The following PLEKHA8 variants were observed in gnomAD, a reference collection of about 807,000 sequenced individuals.
The protein encoded by PLEKHA8 is pleckstrin homology domain-containing family A member 8.
PLEKHA8 carries 36 observed loss-of-function variants against 68.2 expected under a neutral mutation model. The ratio of observed to expected loss-of-function variants is 0.53; its 90% CI spans 0.40 to 0.70. The LOEUF is 0.70. Among genes scored for constraint, PLEKHA8 ranks in the 30% least tolerant of loss-of-function variants. PLEKHA8 has a pLI of 0.00. For synonymous variants in PLEKHA8, 211 were observed against 216.1 expected, an observed-to-expected ratio of 0.98 and a Z score of 0.20; for missense variants, 505 against 615.4, an observed-to-expected ratio of 0.82 and a Z score of 1.90.
In PLEKHA8 at chr7:30,080,077, T is replaced by C; in HGVS notation, c.*1290T>C. On this transcript the variant is annotated 3_prime_UTR_variant, in exon 14 of 14. Transcript: ENST00000449726. ...CTCTGAATCTGCTTACCAATCAATC[T>C]CGGTTTAATCACCAAAAGTGCAGAG... 1.0e-6 allele frequency: 1 copy of C among 985,366 alleles called. No individual in the cohort carries two copies. The highest frequency in any genetic ancestry group is 1.2e-6 in the Non-Finnish European group (1 of 829,918). 61.0% of individuals were successfully genotyped at this position (985,366 alleles called of 1,614,324 possible).
chr7:30,049,341 C>T lies in PLEKHA8; in HGVS notation c.556C>T (p.Pro186Ser). Residue 186 changes from proline (P) to serine (S), a missense_variant, in exon 5 of 14, where the codon CCA becomes TCA. Physicochemically the swap from Pro to Ser is moderately conservative, Grantham distance 74. Coordinates refer to ENST00000449726, the MANE Select transcript of PLEKHA8 (RefSeq NM_001197026.2). ...AFTSELLYRT[P>S]PGSPQLAMLK... ...CACCTCTGAGCTGCTCTACCGCACTCCACCAGGATCACCTCAGCTGGCCAT... is the reference window on the plus strand; with the variant it reads ...CACCTCTGAGCTGCTCTACCGCACTTCACCAGGATCACCTCAGCTGGCCAT... 6.2e-7 allele frequency: 1 copy of T among 1,614,162 alleles called. No individual in the cohort carries two copies. The highest frequency in any genetic ancestry group is 8.5e-7 in the Non-Finnish European group (1 of 1,180,006).
chr7:30,059,497 T>C (rs1793262635), intron 9 of PLEKHA8, among the ~76,000 whole-genome samples: 1 of 152,156 alleles, frequency 6.6e-6, no homozygotes, highest in Admixed American at 6.5e-5. Flanking sequence ...GTTTCTATCA[T>C]CTTGCTACTT....
chr7:30,096,265 G>T (rs1352510550), intron 13 of PLEKHA8, among the ~76,000 whole-genome samples: 3 of 152,102 alleles, frequency 2.0e-5, no homozygotes, highest in Non-Finnish European at 4.4e-5. Flanking sequence ...GGATTCCTAG[G>T]TATTTTATTC....
chr7:30,083,237 A>T lies in PLEKHA8; in HGVS notation c.*4450A>T, dbSNP rs1164939640. The T allele has an allele frequency of 2.0e-6, 2 of 982,020 alleles. No individual in the cohort carries two copies. Among genetic ancestry groups the T allele is most frequent in the Non-Finnish European group, 2.4e-6 (2 of 826,966 alleles). The allele number at this position is 982,020 out of a possible 1,614,324, so 60.8% of individuals were successfully genotyped here. A position where few individuals can be genotyped will look rare whatever the true frequency, so the allele number is the denominator to read the frequency against. On this transcript the variant is annotated 3_prime_UTR_variant, in exon 14 of 14. Coordinates refer to ENST00000449726, the MANE Select transcript of PLEKHA8 (RefSeq NM_001197026.2). ...AAATTTGTATTCTTATGGATTGTAT[A>T]TAGAATGCTTTCGTTAGAAGTACAT...
At chr7:30,056,504 G>A (rs527739416) in intron 9 of PLEKHA8, among the ~76,000 whole-genome samples, 8 of 147,998 alleles carry the variant, frequency 5.4e-5, no homozygotes, top group South Asian at 2.1e-4. Flanking sequence ...TGAGGTGGGC[G>A]GATCACCTGA....
At chr7:30,044,970 A>G in intron 1 of PLEKHA8, 115 bp from the exon 2 acceptor site, 1 of 582,974 alleles carries the variant, frequency 1.7e-6, no homozygotes, top group Non-Finnish European at 2.9e-6. Context: ...ATCCCTGGCA[A>G]TGTAAAGCTC....
intron 13 of PLEKHA8, 103 bp from the exon 14 acceptor site, chr7:30,078,487 G>A: frequency 8.1e-7 from 1 of 1,233,124 alleles, no homozygotes; most frequent in African/African-American, 1.5e-5. Flanking sequence ...CTTCTCAGCT[G>A]TTTGTATGTG....
intron 13 of PLEKHA8, among the ~76,000 whole-genome samples, chr7:30,127,393 T>C (rs1184136245): frequency 6.6e-6 from 1 of 152,204 alleles, no homozygotes; most frequent in Non-Finnish European, 1.5e-5. Flanking sequence ...ATGGGTGATA[T>C]TTTTTGGTAA....
At chr7:30,035,881 C>T (rs1234854068) in intron 1 of PLEKHA8, among the ~76,000 whole-genome samples, 3 of 151,956 alleles carry the variant, frequency 2.0e-5, no homozygotes, top group Admixed American at 2.0e-4. Flanking sequence ...CTCCTGACCT[C>T]GTGATCCACC....
At chr7:30,029,390 A>G (rs1293220726) in intron 1 of PLEKHA8, among the ~76,000 whole-genome samples, 3 of 152,168 alleles carry the variant, frequency 2.0e-5, no homozygotes, top group Admixed American at 2.0e-4. Context: ...CTTTTGTTTT[A>G]CAGACTCAGA....
At chr7:30,050,607 T>C in intron 6 of PLEKHA8, 133 bp downstream of exon 6, 1 of 1,217,504 alleles carries the variant, frequency 8.2e-7, no homozygotes, top group Non-Finnish European at 1.1e-6. Flanking sequence ...GTAAACAATA[T>C]CTGACTTTCC....
intron 8 of PLEKHA8, 89 bp from the exon 9 acceptor site, chr7:30,055,168 G>A: frequency 8.6e-7 from 1 of 1,158,594 alleles, no homozygotes; most frequent in Admixed American, 1.7e-5. Context: ...CCTACAGAGA[G>A]GCAGCTGTGT....
chr7:30,083,216 T>G lies in PLEKHA8; in HGVS notation c.*4429T>G. On this transcript the variant is annotated 3_prime_UTR_variant, in exon 14 of 14. Coordinates refer to ENST00000449726, the MANE Select transcript of PLEKHA8 (RefSeq NM_001197026.2). ...ACAAACTTCATTATGTATGGTAAAT[T>G]TGTATTCTTATGGATTGTATATAGA... 2 of 983,622 alleles carry G rather than the reference T, an allele frequency of 2.0e-6. No individual in the cohort carries two copies. Among genetic ancestry groups the G allele is most frequent in the African/African-American group, 1.7e-5 (1 of 57,316 alleles). The allele number at this position is 983,622 out of a possible 1,614,324, so 60.9% of individuals were successfully genotyped here.
intron 6 of PLEKHA8, among the ~76,000 whole-genome samples, chr7:30,050,952 A>T (rs972885222): frequency 2.0e-5 from 3 of 152,184 alleles, no homozygotes; most frequent in Non-Finnish European, 4.4e-5. Flanking sequence ...AGATGATTTA[A>T]CCCATGAAAG....
chr7:30,077,232 G>T (rs1030875772), intron 13 of PLEKHA8, among the ~76,000 whole-genome samples: 1 of 152,040 alleles, frequency 6.6e-6, no homozygotes, highest in South Asian at 2.1e-4. Flanking sequence ...TGTCCCTTTC[G>T]AAATGTTTTA....
At chr7:30,107,781 T>A (rs1272356649) in intron 13 of PLEKHA8, among the ~76,000 whole-genome samples, 3 of 151,524 alleles carry the variant, frequency 2.0e-5, no homozygotes, top group Admixed American at 1.3e-4. Flanking sequence ...TACAAAAAAA[T>A]TTTCTAACTG....
rs748884323 is a variant in PLEKHA8, at chr7:30,046,205, C to G, written c.158-5C>G. ...GTCTCTGATCTCCCTCTGTCTTGCT[C>G]CCAGTTCATTCTGTAGATAATACAC... On this transcript the variant is annotated splice_polypyrimidine_tract_variant and splice_region_variant and intron_variant, in intron 2 of 13. Coordinates refer to ENST00000449726, the MANE Select transcript of PLEKHA8 (RefSeq NM_001197026.2). 1.3e-6 allele frequency: 2 copies of G among 1,591,002 alleles called. No individual in the cohort carries two copies. Among genetic ancestry groups the G allele is most frequent in the Non-Finnish European group, 1.7e-6 (2 of 1,168,442 alleles).
chr7:30,069,056 G>A (rs1794058798), intron 12 of PLEKHA8, among the ~76,000 whole-genome samples: 1 of 152,122 alleles, frequency 6.6e-6, no homozygotes, highest in Admixed American at 6.5e-5. Context: ...CTGGTCCATT[G>A]TTCTTTTGCC....
At chr7:30,048,530 T>C (rs1252156629) in intron 4 of PLEKHA8, among the ~76,000 whole-genome samples, 1 of 152,224 alleles carries the variant, frequency 6.6e-6, no homozygotes, top group East Asian at 1.9e-4. Context: ...TTAGCATTTA[T>C]TAATACAGTC....
Sources: allele counts gnomAD v4.1 joint callset (sites outside exome capture counted in the v4.1 genomes callset), GRCh38; gene constraint gnomAD v4.1.1; transcripts MANE v1.5; gene names NCBI Gene and HGNC (gene_info 2026-07-23, HGNC 2026-07-21).